ROBO2: variants seen among roughly 807,000 people sequenced by gnomAD.
ROBO2 encodes roundabout homolog 2.
A neutral mutation model predicts 160.8 loss-of-function variants in ROBO2; 53 were observed. That is an observed-to-expected ratio of 0.33 (90% CI 0.26 to 0.41). The LOEUF (loss-of-function observed/expected upper bound fraction) is 0.41. Ranked by LOEUF, ROBO2 falls within the 10% of genes least tolerant of loss-of-function variation. The pLI, the probability that ROBO2 is intolerant of heterozygous loss-of-function variation, is 1.00. For synonymous variants in ROBO2, 664 were observed against 611.7 expected, an observed-to-expected ratio of 1.09 and a Z score of -1.26; for missense variants, 1,577 against 1,722.4, an observed-to-expected ratio of 0.92 and a Z score of 1.49.
chr3:76,106,946 C>T (rs1252025157), intron 2 of ROBO2, among the ~76,000 whole-genome samples: 1 of 152,076 alleles, frequency 6.6e-6, no homozygotes, highest in Non-Finnish European at 1.5e-5. Flanking sequence ...ATCTGAAAAT[C>T]ATCCAGTAAG....
chr3:77,038,890 CACACCCAGAGCCTATGTTT>C (rs989403000), upstream of ROBO2, among the ~76,000 whole-genome samples: 19 of 152,196 alleles, frequency 1.2e-4, no homozygotes, highest in African/African-American at 3.9e-4. Context: ...TTCGGCTTTC[CACACCCAGAGCCTATGTTT>C]ACCGAATTTC....
intron 5 of ROBO2, among the ~76,000 whole-genome samples, chr3:77,512,027 G>A (rs2089454448): frequency 6.6e-6 from 1 of 151,898 alleles, no homozygotes; most frequent in African/African-American, 2.4e-5. Context: ...GTGAACATTA[G>A]CCTGCATTAT....
intron 2 of ROBO2, among the ~76,000 whole-genome samples, chr3:77,298,977 T>G (rs1409856731): frequency 6.6e-6 from 1 of 152,176 alleles, no homozygotes; most frequent in Admixed American, 6.6e-5. Flanking sequence ...TATTTTTATC[T>G]TCTAGGGCAA....
chr3:76,121,083 G>A (rs1434111134), intron 2 of ROBO2, among the ~76,000 whole-genome samples: 2 of 152,036 alleles, frequency 1.3e-5, no homozygotes, highest in African/African-American at 4.8e-5. Flanking sequence ...TGTATTCCAA[G>A]GATGAAAGAG....
chr3:77,451,171 TTTC>T (rs2081075346), intron 2 of ROBO2, among the ~76,000 whole-genome samples: 2 of 152,240 alleles, frequency 1.3e-5, no homozygotes, highest in East Asian at 3.9e-4. Flanking sequence ...ACATCAAAAT[TTTC>T]TTCAATAGCT....
chr3:76,482,950 A>C (rs1316174060), intron 2 of ROBO2, among the ~76,000 whole-genome samples: 4 of 152,242 alleles, frequency 2.6e-5, no homozygotes, highest in Admixed American at 6.5e-5. Context: ...TTCAGCAATA[A>C]TTTCTGTGTT....
At chr3:76,493,756 A>G (rs2079981485) in intron 2 of ROBO2, among the ~76,000 whole-genome samples, 1 of 152,114 alleles carries the variant, frequency 6.6e-6, no homozygotes, top group African/African-American at 2.4e-5. Flanking sequence ...TGCTAAGGAA[A>G]GTTTTGTCTT....
chr3:76,763,044 C>G (rs1315165220), intron 2 of ROBO2, among the ~76,000 whole-genome samples: 1 of 151,610 alleles, frequency 6.6e-6, no homozygotes, highest in Non-Finnish European at 1.5e-5. Flanking sequence ...AGTTAGTAGG[C>G]ATTTCCATAG....
chr3:76,522,305 C>T (rs1049614150), intron 2 of ROBO2, among the ~76,000 whole-genome samples: 2 of 152,092 alleles, frequency 1.3e-5, no homozygotes, highest in African/African-American at 4.8e-5. Context: ...TGAAATTTTC[C>T]TTGCAATTAC....
At chr3:77,111,940 G>C (rs59690379) in intron 2 of ROBO2, among the ~76,000 whole-genome samples, 10,008 of 152,068 alleles carry the variant, frequency 0.066, 771 homozygotes, top group African/African-American at 0.18. Flanking sequence ...AGCTGGGCGC[G>C]GTGGCTCACG....
intron 2 of ROBO2, among the ~76,000 whole-genome samples, chr3:77,427,471 A>T (rs994383540): frequency 6.6e-6 from 1 of 152,208 alleles, no homozygotes; most frequent in African/African-American, 2.4e-5. Flanking sequence ...TGGTACACCT[A>T]GGATTTGAAC....
chr3:76,469,653 G>A (rs1191626564), intron 2 of ROBO2, among the ~76,000 whole-genome samples: 1 of 151,928 alleles, frequency 6.6e-6, no homozygotes, highest in African/African-American at 2.4e-5. Context: ...TTTCTAGAAG[G>A]TAGAATGACT....
chr3:76,126,180 G>C (rs913039563), intron 2 of ROBO2, among the ~76,000 whole-genome samples: 1 of 152,166 alleles, frequency 6.6e-6, no homozygotes, highest in African/African-American at 2.4e-5. Flanking sequence ...AAACAGGAGT[G>C]AATCAGGTCA....
At chr3:76,451,782 A>C (rs1018566989) in intron 2 of ROBO2, among the ~76,000 whole-genome samples, 1 of 152,314 alleles carries the variant, frequency 6.6e-6, no homozygotes, top group African/African-American at 2.4e-5. Context: ...TTTATGACTA[A>C]GAAAATTCTT....
intron 2 of ROBO2, among the ~76,000 whole-genome samples, chr3:76,970,580 T>C (rs192092408): frequency 2.6e-5 from 4 of 152,214 alleles, no homozygotes; most frequent in Admixed American, 1.3e-4. Context: ...AAGGGCTACA[T>C]GGAAAGGGAC....
At chr3:76,587,136 G>C (rs1388742964) in intron 2 of ROBO2, among the ~76,000 whole-genome samples, 1 of 152,152 alleles carries the variant, frequency 6.6e-6, no homozygotes, top group African/African-American at 2.4e-5. Context: ...CATTGCCCCT[G>C]TCTAAAATGG....
chr3:76,261,202 G>GTGTGTGTGTA (rs368720562), intron 2 of ROBO2, among the ~76,000 whole-genome samples: 95 of 67,206 alleles, frequency 1.4e-3, no homozygotes, highest in African/African-American at 3.1e-3. Context: ...GTGTGTGTGT[G>GTGTGTGTGTA]TATATATATA....
At chr3:77,408,238 C>T (rs1038122558) in intron 2 of ROBO2, among the ~76,000 whole-genome samples, 2 of 152,048 alleles carry the variant, frequency 1.3e-5, no homozygotes, top group African/African-American at 4.8e-5. Context: ...ATAAATACAT[C>T]GCTTGTGTCA....
At chr3:77,314,717 A>C (rs2063821341) in intron 2 of ROBO2, among the ~76,000 whole-genome samples, 1 of 152,142 alleles carries the variant, frequency 6.6e-6, no homozygotes. Context: ...ATATTTTGAC[A>C]AGATTGTACA....
Sources: gnomAD v4.1 joint callset for allele counts (sites outside exome capture counted in the v4.1 genomes callset) on GRCh38, gnomAD v4.1.1 for gene constraint, MANE v1.5 for transcripts, NCBI Gene and HGNC (gene_info 2026-07-23, HGNC 2026-07-21) for gene names.